NSD2: variants seen among roughly 807,000 people sequenced by gnomAD.
NSD2 encodes nuclear receptor binding SET domain protein 2.
A neutral mutation model predicts 139.0 loss-of-function variants in NSD2; 12 were observed. That is an observed-to-expected ratio of 0.09 (90% CI 0.06 to 0.14). The LOEUF (loss-of-function observed/expected upper bound fraction) is 0.14, where lower values mean the gene tolerates loss of function less well. Ranked by LOEUF, NSD2 falls within the 10% of genes least tolerant of loss-of-function variation. The probability of loss-of-function intolerance (pLI) is 1.00; values close to 1 mark genes in which losing one functional copy is unlikely to be tolerated. For missense variants in NSD2, 1,155 were observed against 1,745.0 expected, an observed-to-expected ratio of 0.66 and a Z score of 6.02; for synonymous variants, 669 against 648.7, an observed-to-expected ratio of 1.03 and a Z score of -0.48.
Position 1,891,365 on chromosome 4 carries a change from G to A in NSD2, c.-29-9261G>A, listed in dbSNP as rs900018389. Among the ~76,000 whole-genome samples the A allele has an allele frequency of 4.6e-5, 7 of 152,300 alleles. No homozygotes were observed. In the East Asian group the frequency reaches 9.6e-4, roughly 21 times the overall value. On this transcript the variant is annotated intron_variant, in intron 1 of 21. Coordinates refer to ENST00000508803, the MANE Select transcript of NSD2 (RefSeq NM_001042424.3). ...TTCCATTTCAGTCTTTTCCGCCCCC[G>A]GAGGAATGGGTTGGAGCTTGGTCCG...
chr4:1,977,188 A>G (rs1246103705), intron 21 of NSD2, among the ~76,000 whole-genome samples: 1 of 152,248 alleles, frequency 6.6e-6, no homozygotes, highest in Admixed American at 6.5e-5. Context: ...CCGCCGGTTG[A>G]CGAAGGAGCT....
chr4:1,945,231 G>A (rs373449037), intron 9 of NSD2: 24 of 1,066,996 alleles, frequency 2.2e-5, no homozygotes, highest in Admixed American at 5.3e-5. Flanking sequence ...AAGACGGGGT[G>A]GGGTGGGGAG....
Position 1,975,464 on chromosome 4 carries a change from T to C in NSD2, c.3621+64T>C. The C allele has an allele frequency of 2.7e-6, 4 of 1,462,878 alleles. No homozygotes were observed. The South Asian group carries it at 4.6e-5, about 17-fold the overall frequency. The allele number at this position is 1,462,878 out of a possible 1,614,324, so 90.6% of individuals were successfully genotyped here. A position where few individuals can be genotyped will look rare whatever the true frequency, so the allele number is the denominator to read the frequency against. On this transcript the variant is annotated intron_variant, in intron 20 of 21. Transcript: ENST00000508803. ...TTGGCATTTTGCACTCCTGGAGACC[T>C]GTGTCCCCCGTGAACAGCGGCTTCC...
intron 12 of NSD2, among the ~76,000 whole-genome samples, 175 bp from the exon 13 acceptor site, chr4:1,954,986 T>C (rs899135711): frequency 6.6e-6 from 1 of 152,244 alleles, no homozygotes; most frequent in East Asian, 1.9e-4. Flanking sequence ...GACCATTTTC[T>C]CAAACATGGT....
chr4:1,935,066 T>A, intron 6 of NSD2, 78 bp from the exon 7 acceptor site: 1 of 1,112,140 alleles, frequency 9.0e-7, no homozygotes, highest in East Asian at 2.4e-5. Context: ...TTGAATGCCC[T>A]GGGTAGGTTC....
intron 7 of NSD2, among the ~76,000 whole-genome samples, chr4:1,935,657 C>G (rs986952732): frequency 4.6e-5 from 7 of 152,048 alleles, no homozygotes; most frequent in Non-Finnish European, 5.9e-5. Context: ...GTCAGGAGTT[C>G]GAGACCAGCC....
Position 1,943,000 on chromosome 4 carries a change from A to C in NSD2, c.1881+3222A>C. 9.5e-7 allele frequency: 1 copy of C among 1,050,888 alleles called. No homozygotes were observed. Among genetic ancestry groups the C allele is most frequent in the Non-Finnish European group, 1.1e-6 (1 of 870,150 alleles). 65.1% of individuals were successfully genotyped at this position (1,050,888 alleles called of 1,614,324 possible). On this transcript the variant is annotated intron_variant, in intron 9 of 21. Transcript: ENST00000508803. The surrounding 1 kb of genome is among the most constrained non-coding windows in gnomAD (Gnocchi z 4.0). ...AGAAAAAAATACCATTTACAGTATT[A>C]TTGTGAACCATTTAACCCTTTTGAT...
intron 1 of NSD2, among the ~76,000 whole-genome samples, chr4:1,872,005 G>A (rs1713817355): frequency 6.6e-6 from 1 of 150,672 alleles, no homozygotes; most frequent in Admixed American, 6.6e-5. Flanking sequence ...CGGCGCCCCC[G>A]GTCCGGGGCG....
intron 3 of NSD2, among the ~76,000 whole-genome samples, chr4:1,907,886 A>G (rs945800759): frequency 2.6e-5 from 4 of 152,176 alleles, no homozygotes; most frequent in African/African-American, 9.7e-5. Context: ...GATTACAGGC[A>G]TGAGTCACTG....
chr4:1,918,697 G>A (rs1719736363), intron 5 of NSD2, 74 bp downstream of exon 5: 2 of 1,557,990 alleles, frequency 1.3e-6, no homozygotes, highest in Non-Finnish European at 1.7e-6. Context: ...AGAATCATCT[G>A]TTTCTCAGCA....
At chr4:1,924,507 A>C (rs1189722677) in intron 5 of NSD2, among the ~76,000 whole-genome samples, 2 of 152,210 alleles carry the variant, frequency 1.3e-5, no homozygotes, top group Admixed American at 1.3e-4. Context: ...TTTGGGACCC[A>C]AATTGATCTC....
chr4:1,904,987 G>A (rs1717692951), intron 3 of NSD2, among the ~76,000 whole-genome samples: 1 of 152,086 alleles, frequency 6.6e-6, no homozygotes, highest in African/African-American at 2.4e-5. Context: ...AAAATTAGCC[G>A]GACGTGGTGG....
Position 1,948,001 on chromosome 4 carries a change from C to T in NSD2, c.1882-3071C>T, listed in dbSNP as rs1449543464. 2.5e-5 allele frequency: 26 copies of T among 1,056,220 alleles called. No individual in the cohort carries two copies. The highest frequency in any genetic ancestry group is 4.6e-5 in the South Asian group (1 of 21,898). 65.4% of individuals were successfully genotyped at this position (1,056,220 alleles called of 1,614,324 possible). ...TGGCTGGAATGTGTTCACTAGGTTC[C>T]GTTATGTTTGGTAATATCATCTTGA... On this transcript the variant is annotated intron_variant, in intron 9 of 21. Coordinates refer to ENST00000508803, the MANE Select transcript of NSD2 (RefSeq NM_001042424.3). The surrounding 1 kb of genome is among the most constrained non-coding windows in gnomAD (Gnocchi z 4.5).
intron 1 of NSD2, among the ~76,000 whole-genome samples, chr4:1,886,729 T>G (rs1201902391): frequency 6.6e-6 from 1 of 151,880 alleles, no homozygotes; most frequent in East Asian, 1.9e-4. Context: ...TCCCAGCTAC[T>G]CAGGAGGCTG....
intron 1 of NSD2, among the ~76,000 whole-genome samples, chr4:1,872,585 TGTGTGTGAGAGAGAGA>T (rs1461490403): frequency 3.2e-3 from 180 of 56,580 alleles, no homozygotes; most frequent in African/African-American, 9.7e-3. Flanking sequence ...TGTGTGTGTG[TGTGTGTGAGAGAGAGA>T]GAGAGAGAGA....
chr4:1,881,465 G>A (rs569045321), intron 1 of NSD2, among the ~76,000 whole-genome samples: 45 of 152,202 alleles, frequency 3.0e-4, no homozygotes, highest in Non-Finnish European at 5.9e-5. Flanking sequence ...GGGTTTCACC[G>A]TGTTAGCCAG....
Position 1,976,597 on chromosome 4 carries a change from C to T in NSD2, c.3744C>T (p.Gly1248=), listed in dbSNP as rs753982840. ...ACGAGTGCTTCCGCTGCGGTGATGG[C>T]GGGCAGCTGGTGCTGTGTGACCGCA... ...SEDECFRCGD[G]GQLVLCDRKF... is the part of the protein sequence containing the mutation. The change falls in exon 21 of 22, where the codon GGC becomes GGT. Residue 1248 remains glycine (G), a synonymous_variant. Coordinates refer to ENST00000508803, the MANE Select transcript of NSD2 (RefSeq NM_001042424.3). The surrounding 1 kb of genome is among the most constrained non-coding windows in gnomAD (Gnocchi z 5.3). 1.2e-5 allele frequency: 19 copies of T among 1,611,226 alleles called. No homozygotes were observed. Among genetic ancestry groups the T allele is most frequent in the Admixed American group, 1.2e-4 (7 of 59,580 alleles).
intron 5 of NSD2, among the ~76,000 whole-genome samples, chr4:1,930,049 T>C (rs548760948): frequency 6.6e-6 from 1 of 152,302 alleles, no homozygotes; most frequent in East Asian, 1.9e-4. Flanking sequence ...CTCCGGGTGC[T>C]GATGCTGGCA....
rs749670640 is a variant in NSD2 at position 1,974,821 on chromosome 4, C to A, written c.3373-42C>A. 2 of 1,610,112 alleles carry A rather than the reference C, an allele frequency of 1.2e-6. No individual in the cohort carries two copies. The highest frequency in any genetic ancestry group is 1.7e-4 in the Middle Eastern group (1 of 6,048). ...GAAAATTCCCTTTAAAAATAACATG[C>A]GATTGCTAACACTTGACCGAATATA... On this transcript the variant is annotated intron_variant, in intron 18 of 21. Transcript: ENST00000508803. The surrounding 1 kb of genome is among the most constrained non-coding windows in gnomAD (Gnocchi z 4.0).
Sources: allele counts gnomAD v4.1 joint callset (sites outside exome capture counted in the v4.1 genomes callset), GRCh38; gene constraint gnomAD v4.1.1; non-coding constraint Gnocchi (gnomAD v3.1); transcripts MANE v1.5; gene names NCBI Gene and HGNC (gene_info 2026-07-23, HGNC 2026-07-21).